The following GAS7 variants were observed in gnomAD, a reference collection of about 807,000 sequenced individuals.
GAS7 encodes the protein growth arrest specific 7, also known as growth arrest-specific protein 7.
In GAS7, 28 loss-of-function variants were observed where a neutral mutation model predicts 71.1. The ratio of observed to expected loss-of-function variants is 0.39; its 90% CI spans 0.29 to 0.54. The LOEUF (loss-of-function observed/expected upper bound fraction) is 0.54, where lower values mean the gene tolerates loss of function less well. Ranked by LOEUF, GAS7 falls within the 20% of genes least tolerant of loss-of-function variation. GAS7 has a pLI of 0.62. For synonymous variants in GAS7, 258 were observed against 245.8 expected (o/e 1.05, Z -0.46); for missense variants, 436 against 627.8 (o/e 0.69, Z 3.27).
chr17:10,059,402 G>A (rs1044774254), intron 1 of GAS7, among the ~76,000 whole-genome samples: 1 of 152,184 alleles, frequency 6.6e-6, no homozygotes. Context: ...ACTTCCCACA[G>A]AGCTCATCTC....
intron 1 of GAS7, among the ~76,000 whole-genome samples, chr17:10,151,323 G>GTTTTT (rs1391641611): frequency 6.6e-6 from 1 of 151,696 alleles, no homozygotes; most frequent in Non-Finnish European, 1.5e-5. Flanking sequence ...TCGTTTGCTT[G>GTTTTT]TTTTTGTTTT....
chr17:10,023,053 G>T (rs911988608), intron 1 of GAS7, among the ~76,000 whole-genome samples: 2 of 152,150 alleles, frequency 1.3e-5, no homozygotes, highest in Non-Finnish European at 2.9e-5. Context: ...GAGGTCTCCC[G>T]CAACGAGGAA....
At chr17:10,000,271 G>T (rs182091394) in intron 2 of GAS7, among the ~76,000 whole-genome samples, 2 of 152,288 alleles carry the variant, frequency 1.3e-5, no homozygotes, top group Non-Finnish European at 2.9e-5. Flanking sequence ...AAGTTCCCAG[G>T]TAACGCTGAT....
chr17:10,148,973 T>C (rs920060519), intron 1 of GAS7, among the ~76,000 whole-genome samples: 2 of 151,116 alleles, frequency 1.3e-5, no homozygotes, highest in African/African-American at 4.9e-5. Flanking sequence ...GGATGATGAA[T>C]AAATGATGGA....
At chr17:10,153,115 CAGG>C (rs1451790151) in intron 1 of GAS7, among the ~76,000 whole-genome samples, 1 of 149,280 alleles carries the variant, frequency 6.7e-6, no homozygotes, top group African/African-American at 2.5e-5. Flanking sequence ...GTAGCTTAGG[CAGG>C]AGAATTGCTT....
intron 1 of GAS7, among the ~76,000 whole-genome samples, chr17:10,171,399 C>A (rs778401397): frequency 1.3e-5 from 2 of 152,176 alleles, no homozygotes; most frequent in African/African-American, 2.4e-5. Context: ...TAAATCAGGT[C>A]TTCGGGTAAC....
At chr17:9,932,650 GGA>G (rs1333392204) in intron 9 of GAS7, among the ~76,000 whole-genome samples, 1 of 152,192 alleles carries the variant, frequency 6.6e-6, no homozygotes, top group East Asian at 1.9e-4. Flanking sequence ...AGTGGGGAAG[GGA>G]GAGTCACTTG....
chr17:9,943,509 C>G (rs2068681559), intron 6 of GAS7, among the ~76,000 whole-genome samples: 1 of 152,178 alleles, frequency 6.6e-6, no homozygotes, highest in Admixed American at 6.6e-5. Flanking sequence ...GGAAGAAGGG[C>G]AAGTGTCCAA....
At chr17:10,127,773 C>T (rs12150284) in intron 1 of GAS7, among the ~76,000 whole-genome samples, 47,445 of 151,900 alleles carry the variant, frequency 0.31, 8,266 homozygotes, top group East Asian at 0.51. Context: ...TCCAACCAGG[C>T]GAAGTGGACT....
chr17:10,180,965 G>A (rs1257330537), intron 1 of GAS7, among the ~76,000 whole-genome samples: 1 of 150,446 alleles, frequency 6.6e-6, no homozygotes, highest in Non-Finnish European at 1.5e-5. Context: ...TGAGCTCAAG[G>A]ATTCCACAAT....
intron 1 of GAS7, among the ~76,000 whole-genome samples, chr17:10,166,433 C>T (rs933755287): frequency 1.3e-5 from 2 of 152,224 alleles, no homozygotes; most frequent in African/African-American, 4.8e-5. Context: ...TTGCAAATAC[C>T]AAGTTAGGAA....
intron 2 of GAS7, among the ~76,000 whole-genome samples, chr17:9,985,161 T>A (rs1430074253): frequency 6.6e-6 from 1 of 152,170 alleles, no homozygotes; most frequent in Admixed American, 6.5e-5. Context: ...GTCTTCTCCA[T>A]GTCACTCCAG....
At chr17:10,151,073 C>G (rs1346385958) in intron 1 of GAS7, among the ~76,000 whole-genome samples, 2 of 152,192 alleles carry the variant, frequency 1.3e-5, no homozygotes, top group African/African-American at 4.8e-5. Context: ...AAGTGCTCTA[C>G]AAAAAAGTAG....
intron 1 of GAS7, among the ~76,000 whole-genome samples, chr17:10,144,800 G>A (rs1201777453): frequency 1.3e-5 from 2 of 152,136 alleles, no homozygotes; most frequent in African/African-American, 2.4e-5. Flanking sequence ...CTCCCACCTT[G>A]ACCTCCCAAA....
Position 10,020,706 on chromosome 17 carries a change from G to A in GAS7, c.184-809C>T, listed in dbSNP as rs60396106. ...GCGGGCGGATTGCCTAAGCTCAGGA[G>A]TTCGCGACCAGCCTGGGCAACACGG... On this transcript the variant is annotated intron_variant, in intron 1 of 13. Coordinates refer to ENST00000432992, the MANE Select transcript of GAS7 (RefSeq NM_201433.2). 2.2e-3 allele frequency among the ~76,000 whole-genome samples: 334 copies of A among 152,158 alleles called. 1 individual carries two copies. The highest frequency in any genetic ancestry group is 7.9e-3 in the African/African-American group (328 of 41,518).
intron 3 of GAS7, among the ~76,000 whole-genome samples, chr17:9,979,025 T>A (rs117191537): frequency 0.028 from 4,281 of 152,178 alleles, 77 homozygotes; most frequent in Non-Finnish European, 0.045. Flanking sequence ...GTGCTGGCAG[T>A]CAAAAATATC....
At chr17:10,115,724 A>G (rs2073855102) in intron 1 of GAS7, among the ~76,000 whole-genome samples, 1 of 152,194 alleles carries the variant, frequency 6.6e-6, no homozygotes, top group African/African-American at 2.4e-5. Context: ...GTTAACAACA[A>G]GACAAATCCT....
rs57604032 is a variant in GAS7, at chr17:10,154,913, T to TACACACACAC, written c.183+43285_183+43294dup. 9.6e-4 allele frequency among the ~76,000 whole-genome samples: 136 copies of TACACACACAC among 142,034 alleles called. 1 individual carries two copies. Among genetic ancestry groups the TACACACACAC allele is most frequent in the Middle Eastern group, 3.6e-3 (1 of 280 alleles). 93.2% of individuals were successfully genotyped at this position (142,034 alleles called of 152,430 possible). ...ATTACCCCAATCCCCAACCCCAGGC[T>TACACACACAC]ACACACACACACACACACACACACA... On this transcript the variant is annotated intron_variant, in intron 1 of 13. Coordinates refer to ENST00000432992, the MANE Select transcript of GAS7 (RefSeq NM_201433.2).
intron 1 of GAS7, among the ~76,000 whole-genome samples, chr17:10,087,840 C>T (rs1042935821): frequency 6.6e-6 from 1 of 152,024 alleles, no homozygotes; most frequent in Admixed American, 6.6e-5. Flanking sequence ...TACAAAGTGG[C>T]ATATTTGGAA....
Sources: gnomAD v4.1 joint callset for allele counts (sites outside exome capture counted in the v4.1 genomes callset) on GRCh38, gnomAD v4.1.1 for gene constraint, MANE v1.5 for transcripts, NCBI Gene and HGNC (gene_info 2026-07-23, HGNC 2026-07-21) for gene names.